Variants in SEMA3D observed in about 807,000 individuals in gnomAD.
SEMA3D encodes the protein semaphorin-3D.
SEMA3D carries 84 observed loss-of-function variants against 100.1 expected under a neutral mutation model. The observed-to-expected ratio is 0.84, with a 90% confidence interval of 0.70 to 1.01. The LOEUF is 1.01. Among genes scored for constraint, SEMA3D ranks in the 50% least tolerant of loss-of-function variants. SEMA3D has a pLI of 0.00. For synonymous variants in SEMA3D, 312 were observed against 320.7 expected, an observed-to-expected ratio of 0.97 and a Z score of 0.29; for missense variants, 875 against 934.1, an observed-to-expected ratio of 0.94 and a Z score of 0.82.
intron 1 of SEMA3D, among the ~76,000 whole-genome samples, chr7:85,157,277 GT>G (rs1790627328): frequency 6.6e-6 from 1 of 152,276 alleles, no homozygotes; most frequent in African/African-American, 2.4e-5. Flanking sequence ...TATGGTAACA[GT>G]TTTGATATCA....
At chr7:85,021,970 G>C (rs1206560752) in intron 13 of SEMA3D, among the ~76,000 whole-genome samples, 3 of 151,790 alleles carry the variant, frequency 2.0e-5, no homozygotes, top group Non-Finnish European at 4.4e-5. Context: ...TCTTTACAAA[G>C]TAATGTTTAA....
Position 85,022,509 on chromosome 7 carries a change from G to T in SEMA3D, c.1296C>A (p.Tyr432Ter). Residue 432 changes from tyrosine (Y) to a stop codon, truncating the protein, a stop_gained, in exon 13 of 19, where the codon TAC becomes TAA. Transcript: ENST00000284136. LOFTEE classifies it high-confidence loss of function. ...KRHSVMYKSV[Y>*]PVAGGPTFKR... ...TGAACGTTGGTCCTCCTGCAACTGG[G>T]TATACGGACTTATACATCACAGAGT... 6.2e-7 allele frequency: 1 copy of T among 1,612,078 alleles called. No individual in the cohort carries two copies.
chr7:85,200,833 G>T, the SEMA3D span, among the ~76,000 whole-genome samples: 1 of 152,192 alleles, frequency 6.6e-6, no homozygotes. Context: ...TCCATGCTGT[G>T]TGCAGCCTAG....
intron 2 of SEMA3D, among the ~76,000 whole-genome samples, chr7:85,127,477 A>AT (rs1281025673): frequency 6.6e-6 from 1 of 152,096 alleles, no homozygotes; most frequent in African/African-American, 2.4e-5. Context: ...CAATTGTGAG[A>AT]TTTTAGAATA....
chr7:85,053,960 T>C (rs1791238927), intron 9 of SEMA3D, among the ~76,000 whole-genome samples: 1 of 151,830 alleles, frequency 6.6e-6, no homozygotes, highest in African/African-American at 2.4e-5. Context: ...ATGAGAAAAC[T>C]CATTTACGAC....
chr7:85,202,601 G>A, the SEMA3D span, among the ~76,000 whole-genome samples: 1 of 151,888 alleles, frequency 6.6e-6, no homozygotes. Flanking sequence ...ATCTGACAAA[G>A]GGCTGATATC....
chr7:85,082,453 T>G (rs1788092297), intron 4 of SEMA3D, among the ~76,000 whole-genome samples: 1 of 152,192 alleles, frequency 6.6e-6, no homozygotes, highest in East Asian at 1.9e-4. Context: ...TCCATTAGCT[T>G]ACAGAAAGAA....
At chr7:85,210,104 C>G in the SEMA3D span, among the ~76,000 whole-genome samples, 2 of 152,030 alleles carry the variant, frequency 1.3e-5, no homozygotes, top group Non-Finnish European at 2.9e-5. Flanking sequence ...TAATGGGAGG[C>G]TCTAAACAAC....
chr7:85,101,255 T>A (rs1002351740), intron 3 of SEMA3D, among the ~76,000 whole-genome samples: 1 of 152,050 alleles, frequency 6.6e-6, no homozygotes, highest in African/African-American at 2.4e-5. Context: ...CAAAAATATG[T>A]AAAAGCATTC....
rs371588139 is a variant in SEMA3D, at chr7:85,127,307, C to T, written c.-40-5376G>A. On this transcript the variant is annotated intron_variant, in intron 2 of 18. Coordinates refer to ENST00000284136, the MANE Select transcript of SEMA3D (RefSeq NM_001384900.1). ...TGTAGCGGTTTAAACATTATGTTTGCATTGCTAAAATACACTGAGAGTATA... is the reference window on the plus strand; with the variant it reads ...TGTAGCGGTTTAAACATTATGTTTGTATTGCTAAAATACACTGAGAGTATA... 6.6e-5 allele frequency among the ~76,000 whole-genome samples: 10 copies of T among 152,172 alleles called. No homozygotes were observed. In the East Asian group the frequency reaches 1.4e-3, roughly 21 times the overall value.
chr7:85,106,972 G>T (rs1275491047), intron 3 of SEMA3D, among the ~76,000 whole-genome samples: 1 of 152,014 alleles, frequency 6.6e-6, no homozygotes, highest in East Asian at 1.9e-4. Context: ...TCAAGGTGAG[G>T]TTTGGGTGGC....
At chr7:85,177,184 C>A (rs773800272) in intron 1 of SEMA3D, among the ~76,000 whole-genome samples, 19 of 152,076 alleles carry the variant, frequency 1.2e-4, no homozygotes, top group Middle Eastern at 3.4e-3. Flanking sequence ...ATGGATGTAT[C>A]TGTGTATAGA....
the SEMA3D span, among the ~76,000 whole-genome samples, chr7:85,241,303 C>G: frequency 6.6e-6 from 1 of 151,292 alleles, no homozygotes; most frequent in African/African-American, 2.4e-5. Flanking sequence ...ATCCAGCATA[C>G]CATTTGATCC....
intron 2 of SEMA3D, among the ~76,000 whole-genome samples, chr7:85,130,619 G>A (rs1295198973): frequency 6.6e-6 from 1 of 152,026 alleles, no homozygotes; most frequent in African/African-American, 2.4e-5. Context: ...AAAAGTTCTC[G>A]AATCCCTGAC....
At chr7:85,013,050 C>T (rs1001132874) in intron 16 of SEMA3D, among the ~76,000 whole-genome samples, 1 of 151,732 alleles carries the variant, frequency 6.6e-6, no homozygotes, top group African/African-American at 2.4e-5. Context: ...AAATCCTTTT[C>T]AGACAATGAG....
chr7:85,242,494 T>G, the SEMA3D span, among the ~76,000 whole-genome samples: 1 of 152,208 alleles, frequency 6.6e-6, no homozygotes, highest in Non-Finnish European at 1.5e-5. Flanking sequence ...TTTTTCTGGC[T>G]ATCTTTCTGT....
intron 2 of SEMA3D, chr7:85,144,545 T>C: frequency 1.0e-6 from 1 of 985,036 alleles, no homozygotes; most frequent in Non-Finnish European, 1.2e-6. Context: ...AATAGAAAAA[T>C]GAACACAATT....
At chr7:85,202,420 G>A in the SEMA3D span, among the ~76,000 whole-genome samples, 1 of 151,746 alleles carries the variant, frequency 6.6e-6, no homozygotes, top group Non-Finnish European at 1.5e-5. Flanking sequence ...AGTATTCCAT[G>A]GTGTATATGT....
intron 1 of SEMA3D, among the ~76,000 whole-genome samples, chr7:85,174,101 A>G (rs984442666): frequency 6.6e-6 from 1 of 152,188 alleles, no homozygotes; most frequent in Admixed American, 6.6e-5. Context: ...ACCTCCACAT[A>G]GATAAAAGCA....
Sources: allele counts gnomAD v4.1 joint callset (sites outside exome capture counted in the v4.1 genomes callset), GRCh38; gene constraint gnomAD v4.1.1; transcripts MANE v1.5; gene names NCBI Gene and HGNC (gene_info 2026-07-23, HGNC 2026-07-21).